Variants in ST7 observed in about 807,000 individuals in gnomAD.
ST7 encodes the protein suppressor of tumorigenicity 7 protein.
A neutral mutation model predicts 78.7 loss-of-function variants in ST7; 28 were observed. The ratio of observed to expected loss-of-function variants is 0.36; its 90% CI spans 0.26 to 0.49. ST7 has a LOEUF of 0.49. Among genes scored for constraint, ST7 ranks in the 20% least tolerant of loss-of-function variants. The pLI, the probability that ST7 is intolerant of heterozygous loss-of-function variation, is 0.99. For synonymous variants in ST7, 247 were observed against 249.6 expected, an observed-to-expected ratio of 0.99 and a Z score of 0.10; for missense variants, 418 against 696.0, an observed-to-expected ratio of 0.60 and a Z score of 4.49.
chr7:117,021,053 A>G (rs1795879866), intron 1 of ST7, among the ~76,000 whole-genome samples: 2 of 152,206 alleles, frequency 1.3e-5, no homozygotes, highest in Admixed American at 1.3e-4. Flanking sequence ...AGTTATCATT[A>G]TATACTCTTC....
chr7:117,053,497 A>G (rs1797898625), intron 1 of ST7, among the ~76,000 whole-genome samples: 1 of 152,160 alleles, frequency 6.6e-6, no homozygotes, highest in South Asian at 2.1e-4. Flanking sequence ...TGCAACAATG[A>G]CTAGAACTAG....
At chr7:117,070,398 G>A (rs1798866684) in intron 1 of ST7, among the ~76,000 whole-genome samples, 1 of 152,178 alleles carries the variant, frequency 6.6e-6, no homozygotes, top group Non-Finnish European at 1.5e-5. Context: ...CTTGCAAAAG[G>A]TATTCTAAGG....
At chr7:117,071,062 A>G (rs1014918348) in intron 1 of ST7, among the ~76,000 whole-genome samples, 1 of 151,942 alleles carries the variant, frequency 6.6e-6, no homozygotes, top group African/African-American at 2.4e-5. Context: ...TACTAAAAAC[A>G]CAAAAAATTA....
intron 1 of ST7, among the ~76,000 whole-genome samples, chr7:116,984,019 CT>C (rs994461509): frequency 5.3e-5 from 8 of 151,956 alleles, no homozygotes; most frequent in African/African-American, 1.9e-4. Context: ...GATGTAAGGC[CT>C]TGAAGAAACC....
intron 1 of ST7, among the ~76,000 whole-genome samples, chr7:117,005,402 A>G (rs1795115682): frequency 6.6e-6 from 1 of 152,146 alleles, no homozygotes; most frequent in Non-Finnish European, 1.5e-5. Flanking sequence ...AGTCCACTTC[A>G]CTTACAGCCA....
chr7:116,985,487 G>A (rs1262488122), intron 1 of ST7, among the ~76,000 whole-genome samples: 4 of 152,134 alleles, frequency 2.6e-5, no homozygotes, highest in African/African-American at 9.7e-5. Context: ...ACAACTCAGA[G>A]TATGCATCAT....
intron 2 of ST7, among the ~76,000 whole-genome samples, chr7:117,102,796 C>T (rs1316616774): frequency 6.6e-6 from 1 of 151,820 alleles, no homozygotes; most frequent in East Asian, 1.9e-4. Flanking sequence ...TCAAGTGAGC[C>T]CTGTTTGCAG....
At chr7:117,068,290 G>GGGTA (rs1283184034) in intron 1 of ST7, among the ~76,000 whole-genome samples, 6 of 151,376 alleles carry the variant, frequency 4.0e-5, no homozygotes, top group African/African-American at 1.2e-4. Context: ...TTATGTCTTA[G>GGGTA]GGTAGGTAGT....
intron 13 of ST7, among the ~76,000 whole-genome samples, chr7:117,210,310 G>T (rs988566953): frequency 6.6e-6 from 1 of 152,178 alleles, no homozygotes; most frequent in Non-Finnish European, 1.5e-5. Context: ...CTTCTTGATG[G>T]CCTTTGTGGG....
intron 12 of ST7, among the ~76,000 whole-genome samples, chr7:117,199,531 T>G (rs557806571): frequency 5.9e-5 from 9 of 152,324 alleles, no homozygotes; most frequent in African/African-American, 1.7e-4. Flanking sequence ...CCAGGAGGCA[T>G]CCCTGCAACT....
chr7:117,015,579 C>T (rs1054467990), intron 1 of ST7, among the ~76,000 whole-genome samples: 3 of 152,140 alleles, frequency 2.0e-5, no homozygotes, highest in African/African-American at 7.2e-5. Flanking sequence ...TTCTCAATCT[C>T]TAGTTTCACT....
intron 9 of ST7, among the ~76,000 whole-genome samples, chr7:117,162,804 C>G (rs1357165820): frequency 1.3e-5 from 2 of 152,128 alleles, no homozygotes; most frequent in Non-Finnish European, 2.9e-5. Flanking sequence ...ATCTGGTCTC[C>G]TATCTGTTTT....
chr7:117,225,330 A>G lies in ST7; in HGVS notation c.1638+3268A>G, dbSNP rs1025862876. On this transcript the variant is annotated intron_variant, in intron 15 of 15. Coordinates refer to ENST00000323984, the MANE Select transcript of ST7 (RefSeq NM_001369598.1). ...GGTCCTCATATTTTCTGCTCTACCA[A>G]GGTGTGGTAGTTTGGTCAGCTCCCC... is the stretch of plus-strand genomic sequence containing the variant. Among the ~76,000 whole-genome samples the G allele has an allele frequency of 4.6e-5, 7 of 152,170 alleles. No individual in the cohort carries two copies. The East Asian group carries it at 5.8e-4, about 13-fold the overall frequency.
chr7:116,956,606 G>A (rs1405886342), intron 1 of ST7: 1 of 471,236 alleles, frequency 2.1e-6, no homozygotes, highest in East Asian at 6.9e-5. Flanking sequence ...CTCTGTACCT[G>A]TAGGGGGATG....
intron 1 of ST7, among the ~76,000 whole-genome samples, chr7:117,055,403 C>T (rs1415192527): frequency 6.6e-6 from 1 of 152,100 alleles, no homozygotes; most frequent in Non-Finnish European, 1.5e-5. Flanking sequence ...AGGGTTTCGC[C>T]TTGTTAGCCA....
Position 117,230,105 on chromosome 7 carries a change from C to A in ST7, c.*248C>A. ...TAAAACTTTTGTGTATTACAGCAAT[C>A]ATTTGTATCCTCCTGTGTCTTCCAA... On this transcript the variant is annotated 3_prime_UTR_variant, in exon 16 of 16. Coordinates refer to ENST00000323984, the MANE Select transcript of ST7 (RefSeq NM_001369598.1). 1 of 654,588 alleles carries A rather than the reference C, an allele frequency of 1.5e-6. No homozygotes were observed. The highest frequency in any genetic ancestry group is 2.8e-6 in the Non-Finnish European group (1 of 352,132). 40.5% of individuals were successfully genotyped at this position (654,588 alleles called of 1,614,324 possible).
intron 15 of ST7, chr7:117,223,635 AC>A (rs1793259020): frequency 6.6e-6 from 1 of 152,600 alleles, no homozygotes; most frequent in African/African-American, 2.4e-5. Flanking sequence ...CATCCACTCT[AC>A]TAATGCCTCT....
intron 1 of ST7, among the ~76,000 whole-genome samples, chr7:117,065,063 A>G (rs545292375): frequency 6.6e-6 from 1 of 152,326 alleles, no homozygotes; most frequent in Admixed American, 6.5e-5. Flanking sequence ...TAAGACAGTT[A>G]AGTCTTAGAG....
chr7:116,978,384 G>A (rs1200547524), intron 1 of ST7, among the ~76,000 whole-genome samples: 2 of 152,172 alleles, frequency 1.3e-5, no homozygotes, highest in East Asian at 3.8e-4. Context: ...AATCTTGAAA[G>A]ACAACAGAGG....
Sources: gnomAD v4.1 joint callset for allele counts (sites outside exome capture counted in the v4.1 genomes callset) on GRCh38, gnomAD v4.1.1 for gene constraint, MANE v1.5 for transcripts, NCBI Gene and HGNC (gene_info 2026-07-23, HGNC 2026-07-21) for gene names.